The following LRRC37A3 variants were observed in gnomAD, a reference collection of about 807,000 sequenced individuals.
LRRC37A3 encodes leucine-rich repeat-containing protein 37A3.
A neutral mutation model predicts 106.2 loss-of-function variants in LRRC37A3; 25 were observed. That is an observed-to-expected ratio of 0.24 (90% CI 0.17 to 0.33). LRRC37A3 has a LOEUF of 0.33. Ranked by LOEUF, LRRC37A3 falls within the 10% of genes least tolerant of loss-of-function variation. The pLI is 1.00. For synonymous variants in LRRC37A3, 305 were observed against 635.8 expected, an observed-to-expected ratio of 0.48 and a Z score of 7.83; for missense variants, 712 against 1,644.9, an observed-to-expected ratio of 0.43 and a Z score of 9.81.
intron 8 of LRRC37A3, among the ~76,000 whole-genome samples, chr17:64,883,702 G>C (rs1385917595): frequency 1.4e-5 from 2 of 146,030 alleles, no homozygotes; most frequent in African/African-American, 5.1e-5. Context: ...TTGGCATCTT[G>C]CCTTTGGAAG....
chr17:64,874,958 T>C (rs1482903923), intron 8 of LRRC37A3, among the ~76,000 whole-genome samples: 2 of 151,704 alleles, frequency 1.3e-5, no homozygotes, highest in African/African-American at 2.4e-5. Flanking sequence ...ACAAACACTG[T>C]GGAAGGCCGC....
chr17:64,916,221 T>C (rs1356205477), intron 2 of LRRC37A3, among the ~76,000 whole-genome samples: 3 of 150,952 alleles, frequency 2.0e-5, no homozygotes, highest in Non-Finnish European at 2.9e-5. Flanking sequence ...CTGGCTAACA[T>C]GGTGAAACCC....
intron 10 of LRRC37A3, among the ~76,000 whole-genome samples, chr17:64,866,257 G>T (rs191422662): frequency 6.6e-6 from 1 of 152,084 alleles, no homozygotes; most frequent in East Asian, 1.9e-4. Context: ...GAGAGGAAGG[G>T]ATCCAGCTGA....
At chr17:64,854,738 C>T in intron 14 of LRRC37A3, 94 bp from the exon 15 acceptor site, 2 of 1,611,362 alleles carry the variant, frequency 1.2e-6, no homozygotes, top group East Asian at 2.2e-5. Flanking sequence ...ACTGTGAGGG[C>T]CCCGTCATTT....
At position 64,854,483 on chromosome 17, in the gene LRRC37A3, C is replaced by T. The variant is rs962138190; in HGVS notation, c.*116G>A. ...GGCAGGAACGATGGCCCTGTGCTTG[C>T]TCTGCCCGCTGCCTCTGTGGATGTG... On this transcript the variant is annotated 3_prime_UTR_variant, in exon 15 of 15. Transcript: ENST00000584306. The T allele has an allele frequency of 1.0e-5, 15 of 1,477,936 alleles. No homozygotes were observed. Among genetic ancestry groups the T allele is most frequent in the Non-Finnish European group, 1.3e-5 (14 of 1,062,086 alleles). The allele number at this position is 1,477,936 out of a possible 1,614,324, so 91.6% of individuals were successfully genotyped here. A position where few individuals can be genotyped will look rare whatever the true frequency, so the allele number is the denominator to read the frequency against.
At chr17:64,913,337 G>C (rs28453320) in intron 2 of LRRC37A3, among the ~76,000 whole-genome samples, 1 of 103,764 alleles carries the variant, frequency 9.6e-6, no homozygotes, top group African/African-American at 3.0e-5. Context: ...CCTATTTTGG[G>C]TTTTTTTTTT....
intron 8 of LRRC37A3, among the ~76,000 whole-genome samples, chr17:64,876,550 TA>T (rs1383952833): frequency 6.6e-5 from 10 of 152,132 alleles, no homozygotes; most frequent in African/African-American, 2.4e-4. Context: ...CTTAGAGACA[TA>T]AAAAGGATTA....
chr17:64,864,790 G>C (rs1403120467), intron 10 of LRRC37A3, among the ~76,000 whole-genome samples: 1 of 151,818 alleles, frequency 6.6e-6, no homozygotes, highest in East Asian at 1.9e-4. Flanking sequence ...CTGGTGCACA[G>C]TGAGTGCTCA....
intron 11 of LRRC37A3, among the ~76,000 whole-genome samples, chr17:64,861,250 T>C (rs1002653563): frequency 1.3e-5 from 2 of 152,196 alleles, no homozygotes; most frequent in African/African-American, 4.8e-5. Flanking sequence ...CAGAGGCCAA[T>C]TGCCCAGTGC....
intron 10 of LRRC37A3, chr17:64,863,714 T>C (rs935761171): frequency 3.3e-5 from 5 of 152,368 alleles, no homozygotes; most frequent in East Asian, 1.9e-4. Flanking sequence ...AGGATTATCA[T>C]TGATGCACAT....
chr17:64,872,210 C>CAAA (rs60703427), intron 8 of LRRC37A3, among the ~76,000 whole-genome samples: 1 of 61,862 alleles, frequency 1.6e-5, no homozygotes, highest in African/African-American at 5.6e-5. Context: ...AAAAAATAGC[C>CAAA]AAAAAAAAAA....
chr17:64,871,887 A>C (rs1973325688), intron 8 of LRRC37A3: 1 of 152,370 alleles, frequency 6.6e-6, no homozygotes, highest in Non-Finnish European at 1.5e-5. Flanking sequence ...TAATCCCAGC[A>C]CTTTGGGAGA....
chr17:64,869,698 G>A (rs1247435266), intron 8 of LRRC37A3, among the ~76,000 whole-genome samples: 6 of 151,212 alleles, frequency 4.0e-5, no homozygotes, highest in African/African-American at 7.3e-5. Context: ...CCACCACCAC[G>A]CCCAGCTAAT....
At chr17:64,873,605 A>G (rs1179547445) in intron 8 of LRRC37A3, among the ~76,000 whole-genome samples, 3 of 149,998 alleles carry the variant, frequency 2.0e-5, no homozygotes. Context: ...GAAACCATAA[A>G]AAGGAGTCAA....
rs1174212397 is a variant in LRRC37A3, at chr17:64,866,626, A to AT, written c.3053+1835dup. On this transcript the variant is annotated intron_variant, in intron 10 of 14. Transcript: ENST00000584306. ...TATATATATATATATATATATATAT[A>AT]TATTTTTTTTTTTTTTTTTTTTTAG... 9.9e-3 allele frequency among the ~76,000 whole-genome samples: 222 copies of AT among 22,506 alleles called. 3 individuals carry two copies. The highest frequency in any genetic ancestry group is 0.012 in the Non-Finnish European group (179 of 14,436). 14.8% of individuals were successfully genotyped at this position (22,506 alleles called of 152,430 possible).
chr17:64,861,743 T>C (rs1406824228), intron 11 of LRRC37A3, among the ~76,000 whole-genome samples: 1 of 152,214 alleles, frequency 6.6e-6, no homozygotes, highest in Non-Finnish European at 1.5e-5. Flanking sequence ...GGTCCTAAAA[T>C]GCAGAAGGGA....
At chr17:64,912,940 G>C (rs1974622004) in intron 2 of LRRC37A3, among the ~76,000 whole-genome samples, 2 of 145,716 alleles carry the variant, frequency 1.4e-5, no homozygotes, top group Non-Finnish European at 3.0e-5. Context: ...AAGCAAAAGG[G>C]TAGAGAAAGA....
chr17:64,915,626 G>A (rs1209873336), intron 2 of LRRC37A3, among the ~76,000 whole-genome samples: 1 of 152,214 alleles, frequency 6.6e-6, no homozygotes, highest in Non-Finnish European at 1.5e-5. Context: ...AACACCAAAT[G>A]TGTAAAAGAA....
At chr17:64,916,090 G>C (rs978283000) in intron 2 of LRRC37A3, among the ~76,000 whole-genome samples, 5 of 148,556 alleles carry the variant, frequency 3.4e-5, no homozygotes, top group Non-Finnish European at 7.4e-5. Flanking sequence ...CAGCGTGGGT[G>C]AAAGAACGAG....
Sources: allele counts gnomAD v4.1 joint callset (sites outside exome capture counted in the v4.1 genomes callset), GRCh38; gene constraint gnomAD v4.1.1; transcripts MANE v1.5; gene names NCBI Gene and HGNC (gene_info 2026-07-23, HGNC 2026-07-21).